The following CATSPERB variants were observed in gnomAD, a reference collection of about 807,000 sequenced individuals.
The protein encoded by CATSPERB is catsper channel auxiliary subunit beta, also known as cation channel sperm-associated auxiliary subunit beta.
CATSPERB carries 93 observed loss-of-function variants against 128.3 expected under a neutral mutation model. That is an observed-to-expected ratio of 0.72 (90% CI 0.61 to 0.86). The LOEUF (loss-of-function observed/expected upper bound fraction) is 0.86. Among genes scored for constraint, CATSPERB ranks in the 40% least tolerant of loss-of-function variants. CATSPERB has a pLI of 0.00. For synonymous variants in CATSPERB, 381 were observed against 448.8 expected, an observed-to-expected ratio of 0.85 and a Z score of 1.91; for missense variants, 1,153 against 1,329.5, an observed-to-expected ratio of 0.87 and a Z score of 2.06.
chr14:91,622,707 G>T (rs550910968), intron 18 of CATSPERB, among the ~76,000 whole-genome samples: 1 of 151,956 alleles, frequency 6.6e-6, no homozygotes, highest in Non-Finnish European at 1.5e-5. Flanking sequence ...ACCGACCAAC[G>T]AAAATCCTTT....
intron 17 of CATSPERB, among the ~76,000 whole-genome samples, chr14:91,625,664 AAC>A (rs1221004909): frequency 2.6e-5 from 4 of 152,236 alleles, no homozygotes; most frequent in Non-Finnish European, 5.9e-5. Flanking sequence ...TCAAAGTGTT[AAC>A]AGTCATAATT....
rs191607827 is a variant in CATSPERB, at chr14:91,608,959, C to T, written c.2599-555G>A. ...TAACCATTAATAGCCTACTGTTGAC[C>T]AGAAGTCTTACTGGTAATATAAAGT... On this transcript the variant is annotated intron_variant, in intron 21 of 26. Coordinates refer to ENST00000256343, the MANE Select transcript of CATSPERB (RefSeq NM_024764.4). Among the ~76,000 whole-genome samples the T allele has an allele frequency of 1.7e-3, 259 of 152,044 alleles. 1 individual carries two copies. The highest frequency in any genetic ancestry group is 2.7e-3 in the Non-Finnish European group (183 of 67,990).
intron 17 of CATSPERB, among the ~76,000 whole-genome samples, chr14:91,632,154 G>A (rs1894290866): frequency 6.6e-6 from 1 of 152,050 alleles, no homozygotes; most frequent in African/African-American, 2.4e-5. Context: ...TCCAACTAAA[G>A]GACAGAAATT....
intron 11 of CATSPERB, among the ~76,000 whole-genome samples, chr14:91,682,278 C>G (rs1895295849): frequency 6.6e-6 from 1 of 152,144 alleles, no homozygotes; most frequent in South Asian, 2.1e-4. Context: ...TGTTTTTCAA[C>G]TAAGTTGCAA....
chr14:91,696,862 C>G (rs1397523630), intron 7 of CATSPERB, among the ~76,000 whole-genome samples: 1 of 152,098 alleles, frequency 6.6e-6, no homozygotes, highest in African/African-American at 2.4e-5. Context: ...GTGCAACAGG[C>G]AGTAAAGGCA....
At chr14:91,668,950 C>A (rs532666015) in intron 14 of CATSPERB, among the ~76,000 whole-genome samples, 1 of 152,184 alleles carries the variant, frequency 6.6e-6, no homozygotes, top group Non-Finnish European at 1.5e-5. Context: ...AAGAACCCAC[C>A]GGAAGGAACC....
intron 6 of CATSPERB, among the ~76,000 whole-genome samples, chr14:91,707,553 G>A (rs1895753577): frequency 1.4e-5 from 2 of 142,278 alleles, no homozygotes; most frequent in Non-Finnish European, 3.0e-5. Flanking sequence ...CCTCAATGTG[G>A]CCACAGTAAA....
At chr14:91,646,118 A>G (rs1349385536) in intron 15 of CATSPERB, 1 of 154,808 alleles carries the variant, frequency 6.5e-6, no homozygotes, top group Non-Finnish European at 1.4e-5. Flanking sequence ...GGCACTCCCT[A>G]GTGAGATGAA....
At chr14:91,605,149 G>T in intron 22 of CATSPERB, 2 of 1,352,134 alleles carry the variant, frequency 1.5e-6, no homozygotes, top group South Asian at 1.2e-5. Context: ...GCAGATCCAC[G>T]GAGGAAGGAA....
rs369814076 is a variant in CATSPERB at position 91,716,104 on chromosome 14, T to G, written c.370+3314A>C. 7.2e-4 allele frequency among the ~76,000 whole-genome samples: 109 copies of G among 152,262 alleles called. 1 individual carries two copies. Among genetic ancestry groups the G allele is most frequent in the Middle Eastern group, 3.4e-3 (1 of 294 alleles). ...TTCAGCAAAATTGAAAACTCTGATCTTCAAGAGATACTCTTAAGAGATGAA... is the reference window on the plus strand; with the variant it reads ...TTCAGCAAAATTGAAAACTCTGATCGTCAAGAGATACTCTTAAGAGATGAA... On this transcript the variant is annotated intron_variant, in intron 5 of 26. Transcript: ENST00000256343.
chr14:91,585,787 A>C (rs1266332409), intron 26 of CATSPERB, among the ~76,000 whole-genome samples: 1 of 152,224 alleles, frequency 6.6e-6, no homozygotes, highest in Non-Finnish European at 1.5e-5. Flanking sequence ...GTAATATCAG[A>C]TTGTATCCTG....
chr14:91,640,387 C>T (rs1894472587), intron 15 of CATSPERB, among the ~76,000 whole-genome samples: 2 of 91,738 alleles, frequency 2.2e-5, no homozygotes, highest in Non-Finnish European at 4.2e-5. Context: ...AATGCTATCC[C>T]TCCCCCCTCC....
intron 20 of CATSPERB, among the ~76,000 whole-genome samples, chr14:91,615,591 C>T (rs555060463): frequency 2.6e-5 from 4 of 152,294 alleles, no homozygotes; most frequent in African/African-American, 7.2e-5. Flanking sequence ...GCATAATGTT[C>T]CAATTCCATC....
At chr14:91,638,356 A>G (rs567737494) in intron 16 of CATSPERB, among the ~76,000 whole-genome samples, 53 of 151,972 alleles carry the variant, frequency 3.5e-4, no homozygotes, top group Non-Finnish European at 7.5e-4. Flanking sequence ...AACCAGGGAG[A>G]AGGGTTAATA....
At chr14:91,729,362 C>A (rs765543764) in intron 2 of CATSPERB, 39 bp downstream of exon 2, 23 of 936,806 alleles carry the variant, frequency 2.5e-5, no homozygotes, top group South Asian at 2.0e-5. Flanking sequence ...ATAAGAACTC[C>A]TGAGAAGGAA....
At position 91,722,997 on chromosome 14, in the gene CATSPERB, G is replaced by A; in HGVS notation, c.309+52C>T. The A allele has an allele frequency of 6.0e-6, 8 of 1,331,436 alleles. No individual in the cohort carries two copies. The South Asian group carries it at 1.7e-4, about 28-fold the overall frequency. The allele number at this position is 1,331,436 out of a possible 1,614,324, so 82.5% of individuals were successfully genotyped here. On this transcript the variant is annotated intron_variant, in intron 4 of 26. Coordinates refer to ENST00000256343, the MANE Select transcript of CATSPERB (RefSeq NM_024764.4). ...TTTAAAAAATACATCCTATAAGGAA[G>A]AGTATGCTTCTTGTTAATAACATAT... is the stretch of plus-strand genomic sequence containing the variant.
At chr14:91,630,646 C>T (rs1818183566) in intron 17 of CATSPERB, among the ~76,000 whole-genome samples, 1 of 152,194 alleles carries the variant, frequency 6.6e-6, no homozygotes, top group East Asian at 1.9e-4. Context: ...CTTCACTCAA[C>T]TGCACCTGCT....
At chr14:91,660,112 TCTCTCACACACA>T (rs1483957693) in intron 14 of CATSPERB, 131 bp from the exon 15 acceptor site, 4 of 582,516 alleles carry the variant, frequency 6.9e-6, no homozygotes, top group African/African-American at 4.0e-5. Context: ...TCTCTCTCTC[TCTCTCACACACA>T]CACACACACA....
At chr14:91,660,023 T>C in intron 14 of CATSPERB, 42 bp from the exon 15 acceptor site, 1 of 1,523,636 alleles carries the variant, frequency 6.6e-7, no homozygotes. Flanking sequence ...AGGGCTGCCA[T>C]GCAACAGTTG....
Sources: allele counts gnomAD v4.1 joint callset (sites outside exome capture counted in the v4.1 genomes callset), GRCh38; gene constraint gnomAD v4.1.1; transcripts MANE v1.5; gene names NCBI Gene and HGNC (gene_info 2026-07-23, HGNC 2026-07-21).